The following MTMR11 variants were observed in gnomAD, a reference collection of about 807,000 sequenced individuals.
MTMR11 encodes the protein myotubularin-related protein 11.
In MTMR11, 89 loss-of-function variants were observed where a neutral mutation model predicts 100.0. The ratio of observed to expected loss-of-function variants is 0.89; its 90% confidence interval spans 0.75 to 1.06. The LOEUF is 1.06. Ranked by LOEUF, MTMR11 falls within the 50% of genes least tolerant of loss-of-function variation. MTMR11 has a pLI of 0.00. For synonymous variants in MTMR11, 336 were observed against 326.3 expected (o/e 1.03, Z -0.32); for missense variants, 809 against 873.7 (o/e 0.93, Z 0.93).
Position 149,929,312 on chromosome 1 carries a change from G to T in MTMR11, c.1947C>A (p.Gly649=). ...GGCCAGAGATTGTGGGAGCTGAGAG[G>T]CCCATCTGGGGAGGAGGCAAAGAGG... ...YLRGRPEVQM[G]LSAPTISGLQ... Residue 649 remains glycine, a synonymous_variant, in exon 17 of 17, where the codon GGC becomes GGA. Coordinates refer to ENST00000439741, the MANE Select transcript of MTMR11 (RefSeq NM_001145862.2). 6.2e-7 allele frequency: 1 copy of T among 1,613,596 alleles called. No homozygotes were observed. The highest frequency in any genetic ancestry group is 8.5e-7 in the Non-Finnish European group (1 of 1,179,606).
chr1:149,934,324 G>A lies in MTMR11; in HGVS notation c.550C>T (p.Gln184Ter). 1 of 1,614,168 alleles carries A rather than the reference G, an allele frequency of 6.2e-7. No homozygotes were observed. Among genetic ancestry groups the A allele is most frequent in the African/African-American group, 1.3e-5 (1 of 75,046 alleles). Residue 184 changes from glutamine (Q) to a stop codon, truncating the protein, a stop_gained and splice_region_variant, in exon 7 of 17, where the codon CAG becomes TAG. Coordinates refer to ENST00000439741, the MANE Select transcript of MTMR11 (RefSeq NM_001145862.2). LOFTEE classifies it high-confidence loss of function. Reference protein sequence around the residue: ...YSGITLSKAGQGSGSRKPPIP... With the variant: ...YSGITLSKAG ...GGTGGTTTTCTGGAGCCAGAACCCTGGCCTAGAACAGGAGTGAGACATAGA... is the reference window on the plus strand; with the variant it reads ...GGTGGTTTTCTGGAGCCAGAACCCTAGCCTAGAACAGGAGTGAGACATAGA...
chr1:149,933,571 G>A (rs1455206014), intron 9 of MTMR11, 39 bp downstream of exon 9: 1 of 1,613,996 alleles, frequency 6.2e-7, no homozygotes, highest in African/African-American at 1.3e-5. Flanking sequence ...TCTACCCTGA[G>A]CACCTAACCC....
chr1:149,936,485 C>T (rs974497916), intron 1 of MTMR11, 97 bp downstream of exon 1: 73 of 1,240,254 alleles, frequency 5.9e-5, no homozygotes, highest in Middle Eastern at 1.9e-4. Context: ...GACACACCCT[C>T]CTCCTCCTCC....
chr1:149,935,014 G>C lies in MTMR11; in HGVS notation c.440C>G (p.Ala147Gly), dbSNP rs2092704977. 6.2e-7 allele frequency: 1 copy of C among 1,613,906 alleles called. No homozygotes were observed. Among genetic ancestry groups the C allele is most frequent in the African/African-American group, 1.3e-5 (1 of 74,898 alleles). The change falls in exon 5 of 17, where the codon GCT becomes GGT. Residue 147 changes from alanine to glycine, a missense_variant. Coordinates refer to ENST00000439741, the MANE Select transcript of MTMR11 (RefSeq NM_001145862.2). The part of the protein sequence containing the change: ...DFRLLRVGFE[A>G]GGLEPQAFQV... The stretch of plus-strand genomic sequence containing the variant: ...AAAAGCCTGAGGCTCTAGGCCTCCA[G>C]CCTCAAAACCAACTCTGAGCAGCCG...
At chr1:149,934,091 C>G in intron 7 of MTMR11, 100 bp downstream of exon 7, 1 of 1,581,316 alleles carries the variant, frequency 6.3e-7, no homozygotes, top group East Asian at 2.2e-5. Context: ...TTGTGGGTGT[C>G]CTAGGAGGCT....
At position 149,929,064 on chromosome 1, in the gene MTMR11, T is replaced by C. The variant is rs2092618626; in HGVS notation, c.*65A>G. ...TTCTTAGTGAACTTAAGGGCTGAAG[T>C]GTGAAAGCTGAGGCTGCAAGTGCAG... On this transcript the variant is annotated 3_prime_UTR_variant, in exon 17 of 17. Transcript: ENST00000439741. 3.2e-6 allele frequency: 5 copies of C among 1,566,482 alleles called. No homozygotes were observed. The highest frequency in any genetic ancestry group is 1.4e-5 in the African/African-American group (1 of 71,536).
chr1:149,928,902 C>G lies in MTMR11; in HGVS notation c.*227G>C. On this transcript the variant is annotated 3_prime_UTR_variant, in exon 17 of 17. Coordinates refer to ENST00000439741, the MANE Select transcript of MTMR11 (RefSeq NM_001145862.2). Reference sequence around the variant, plus strand: ...GTTATCCAGAAGGGATGGGATTGGCCTAAAAAAACCGATCAATTTCTGGAT... The same window carrying G: ...GTTATCCAGAAGGGATGGGATTGGCGTAAAAAAACCGATCAATTTCTGGAT... 1 of 1,613,940 alleles carries G rather than the reference C, an allele frequency of 6.2e-7. No homozygotes were observed. Among genetic ancestry groups the G allele is most frequent in the Non-Finnish European group, 8.5e-7 (1 of 1,179,974 alleles).
chr1:149,936,102 T>A (rs587727137), intron 2 of MTMR11, 52 bp downstream of exon 2: 9 of 1,558,628 alleles, frequency 5.8e-6, no homozygotes, highest in Non-Finnish European at 8.0e-6. Context: ...TGAAACAAGA[T>A]TGGCGTAGGA....
At position 149,932,004 on chromosome 1, in the gene MTMR11, G is replaced by T; in HGVS notation, c.1063C>A (p.Arg355=). ...AATACTGAAATGTCACTGGCCTTTC[G>T]AAGACAAGCCCTGGAGGAGCAGGTG... is the stretch of plus-strand genomic sequence containing the variant. ...RWLDYVRACL[R]KASDISVLVT... Residue 355 remains arginine, a synonymous_variant, in exon 12 of 17, where the codon CGA becomes AGA. Transcript: ENST00000439741. 1.2e-6 allele frequency: 2 copies of T among 1,613,574 alleles called. No homozygotes were observed. Among genetic ancestry groups the T allele is most frequent in the Non-Finnish European group, 1.7e-6 (2 of 1,179,522 alleles).
chr1:149,935,289 C>T lies in MTMR11; in HGVS notation c.325+10G>A, dbSNP rs587611665. 71 of 1,613,276 alleles carry T rather than the reference C, an allele frequency of 4.4e-5. 1 individual carries two copies. Among genetic ancestry groups the T allele is most frequent in the Non-Finnish European group, 5.5e-5 (65 of 1,179,512 alleles). ...AGTGAACCCCTTCACCAAACCCCCC[C>T]CCAACTTACCAGCCTCTAATCGTCC... On this transcript the variant is annotated intron_variant, in intron 4 of 16. Transcript: ENST00000439741.
chr1:149,931,338 T>C lies in MTMR11; in HGVS notation c.1212A>G (p.Gln404=), dbSNP rs1559805032. ...APEARTLFGF[Q]SLVQREWVAA... Reference sequence around the variant, plus strand: ...CCACCCACTCTCGCTGTACTAGTGATTGGAAGCCAAACAGTGTTCGGGCTT... The same window carrying C: ...CCACCCACTCTCGCTGTACTAGTGACTGGAAGCCAAACAGTGTTCGGGCTT... The change falls in exon 13 of 17, where the codon CAA becomes CAG. Residue 404 remains glutamine, a synonymous_variant. Coordinates refer to ENST00000439741, the MANE Select transcript of MTMR11 (RefSeq NM_001145862.2). 3.7e-6 allele frequency: 6 copies of C among 1,613,990 alleles called. No individual in the cohort carries two copies. The highest frequency in any genetic ancestry group is 3.3e-5 in the South Asian group (3 of 91,064).
chr1:149,933,881 C>T lies in MTMR11; in HGVS notation c.745G>A (p.Gly249Ser), dbSNP rs1186146468. Residue 249 changes from glycine to serine, a missense_variant, in exon 8 of 17, where the codon GGC becomes AGC. Physicochemically the swap from Gly to Ser is moderately conservative, Grantham distance 56. Coordinates refer to ENST00000439741, the MANE Select transcript of MTMR11 (RefSeq NM_001145862.2). ...GGTCCACGGCCCTGATGAAAGTGGC[C>T]AAATGCTCTCCTGACCTCACTGTCC... ...ILDSEVRRAF[G>S]HFHQGRGPRL... 2 of 1,614,104 alleles carry T rather than the reference C, an allele frequency of 1.2e-6. No individual in the cohort carries two copies. The highest frequency in any genetic ancestry group is 2.7e-5 in the African/African-American group (2 of 74,940).
chr1:149,934,189 A>G lies in MTMR11; in HGVS notation c.683+2T>C. On this transcript the variant is annotated splice_donor_variant, in intron 7 of 16. Transcript: ENST00000439741. LOFTEE classifies it high-confidence loss of function. The stretch of plus-strand genomic sequence containing the variant: ...CAGGGTTGGGGTGCACTGGGGGATC[A>G]CCTGGTGGCTACGTCGAACCTCTCG... The G allele has an allele frequency of 6.2e-7, 1 of 1,613,766 alleles. No individual in the cohort carries two copies. The highest frequency in any genetic ancestry group is 8.5e-7 in the Non-Finnish European group (1 of 1,179,996).
intron 15 of MTMR11, 119 bp from the exon 16 acceptor site, chr1:149,930,035 C>G: frequency 9.4e-7 from 1 of 1,063,018 alleles, no homozygotes; most frequent in East Asian, 2.6e-5. Flanking sequence ...ACTAGAACTA[C>G]AAGCCTCCCC....
At chr1:149,935,916 CACTA>C (rs1457926474) in intron 2 of MTMR11, among the ~76,000 whole-genome samples, 8 of 152,166 alleles carry the variant, frequency 5.3e-5, no homozygotes, top group Non-Finnish European at 7.3e-5. Context: ...ACATAGCAGG[CACTA>C]ACTATGTATC....
Position 149,936,581 on chromosome 1 carries a change from C to T in MTMR11, c.66+1G>A. 2 of 1,526,784 alleles carry T rather than the reference C, an allele frequency of 1.3e-6. No homozygotes were observed. Among genetic ancestry groups the T allele is most frequent in the Non-Finnish European group, 1.8e-6 (2 of 1,125,118 alleles). 94.6% of individuals were successfully genotyped at this position (1,526,784 alleles called of 1,614,324 possible). A position where few individuals can be genotyped will look rare whatever the true frequency, so the allele number is the denominator to read the frequency against. ...ACACCCCCCAAATTCCTTCTCCTTA[C>T]CCCCATCTCTGGCTCCTCCTTCTGG... On this transcript the variant is annotated splice_donor_variant, in intron 1 of 16. Coordinates refer to ENST00000439741, the MANE Select transcript of MTMR11 (RefSeq NM_001145862.2). LOFTEE classifies it high-confidence loss of function.
Position 149,929,745 on chromosome 1 carries a change from A to G in MTMR11, c.1819T>C (p.Trp607Arg), listed in dbSNP as rs2092631369. The change falls in exon 16 of 17, where the codon TGG (tryptophan) becomes CGG (arginine). Residue 607 changes from tryptophan to arginine, a missense_variant. By Grantham distance (101) the Trp-to-Arg change is moderately radical. Coordinates refer to ENST00000439741, the MANE Select transcript of MTMR11 (RefSeq NM_001145862.2). ...GCTCCCCAATGTGAGGGGAGACCCC[A>G]TTCCTGGTCAGCCAGGCTTTCAGAG... ...ISSESLADQE[W>R]GLPSHWGACP... is the part of the protein sequence containing the mutation. 2.5e-6 allele frequency: 4 copies of G among 1,614,054 alleles called. No individual in the cohort carries two copies. The highest frequency in any genetic ancestry group is 1.7e-5 in the Admixed American group (1 of 59,998).
At chr1:149,932,735 G>GT (rs2092676264) in intron 10 of MTMR11, among the ~76,000 whole-genome samples, 2 of 151,920 alleles carry the variant, frequency 1.3e-5, no homozygotes, top group African/African-American at 4.8e-5. Context: ...CATCTGAGGA[G>GT]TTTGAGACCA....
intron 10 of MTMR11, among the ~76,000 whole-genome samples, chr1:149,933,048 G>A (rs1553768046): frequency 6.7e-6 from 1 of 149,850 alleles, no homozygotes; most frequent in African/African-American, 2.5e-5. Context: ...CTGGGTTCAA[G>A]CGATTCTTGT....
Sources: gnomAD v4.1 joint callset for allele counts (sites outside exome capture counted in the v4.1 genomes callset) on GRCh38, gnomAD v4.1.1 for gene constraint, MANE v1.5 for transcripts, NCBI Gene and HGNC (gene_info 2026-07-23, HGNC 2026-07-21) for gene names.